The following IGFL2 variants were observed in gnomAD, a reference collection of about 807,000 sequenced individuals.
IGFL2 encodes the protein IGF like family member 2.
In IGFL2, 7 loss-of-function variants were observed where a neutral mutation model predicts 13.9. The ratio of observed to expected loss-of-function variants is 0.51; its 90% CI spans 0.29 to 0.95. The LOEUF (loss-of-function observed/expected upper bound fraction) is 0.95. Among genes scored for constraint, IGFL2 ranks in the 40% least tolerant of loss-of-function variants. The pLI is 0.08. For missense variants in IGFL2, 138 were observed against 147.8 expected (o/e 0.93, Z 0.34); for synonymous variants, 55 against 55.8 (o/e 0.99, Z 0.07).
chr19:46,102,714 CAG>C, the IGFL2 span, among the ~76,000 whole-genome samples: 7 of 152,184 alleles, frequency 4.6e-5, no homozygotes, highest in South Asian at 1.4e-3. Context: ...GTGCAGGTCA[CAG>C]GGGATATGAT....
At chr19:46,143,656 T>G (rs1187878213), upstream of IGFL2, among the ~76,000 whole-genome samples, 1 of 152,140 alleles carries the variant, frequency 6.6e-6, no homozygotes, top group African/African-American at 2.4e-5. Context: ...TGTTCAAGAG[T>G]CAACTGTATT....
the IGFL2 span, among the ~76,000 whole-genome samples, chr19:46,128,704 C>T: frequency 2.6e-5 from 4 of 152,160 alleles, no homozygotes; most frequent in East Asian, 3.9e-4. Flanking sequence ...CCTGCTTGAT[C>T]ATGGTGGATT....
At chr19:46,165,732 C>T (rs1249606513), downstream of IGFL2, among the ~76,000 whole-genome samples, 1 of 152,220 alleles carries the variant, frequency 6.6e-6, no homozygotes, top group Non-Finnish European at 1.5e-5. Context: ...CATGGTCATC[C>T]AGCCATCCAC....
the IGFL2 span, chr19:46,120,213 T>G: frequency 1.4e-6 from 2 of 1,474,420 alleles, no homozygotes; most frequent in Non-Finnish European, 9.2e-7. Context: ...GCTATGTCAT[T>G]GAGCCATCCC....
At chr19:46,079,282 G>A in the IGFL2 span, among the ~76,000 whole-genome samples, 1 of 152,242 alleles carries the variant, frequency 6.6e-6, no homozygotes, top group South Asian at 2.1e-4. Flanking sequence ...CTCGTTGGGT[G>A]GGACAAGAAT....
the IGFL2 span, among the ~76,000 whole-genome samples, chr19:46,190,784 T>C: frequency 6.6e-6 from 1 of 152,236 alleles, no homozygotes. Context: ...CAAAAATGCA[T>C]GTGGCTTTAG....
the IGFL2 span, among the ~76,000 whole-genome samples, chr19:46,121,791 A>G: frequency 6.6e-6 from 1 of 151,030 alleles, no homozygotes; most frequent in Non-Finnish European, 1.5e-5. Flanking sequence ...GCAAGTGCGG[A>G]GCTGACTGCA....
the IGFL2 span, chr19:46,136,967 A>G: frequency 3.5e-6 from 5 of 1,421,862 alleles, no homozygotes; most frequent in Non-Finnish European, 5.0e-6. Flanking sequence ...CCTGCTGTAT[A>G]TCTGTGTTTT....
intron 1 of IGFL2, chr19:46,148,855 T>C: frequency 6.6e-7 from 1 of 1,509,052 alleles, no homozygotes; most frequent in South Asian, 1.3e-5. Context: ...CAGTTGACAC[T>C]CAGGAGTGGA....
chr19:46,148,043 TC>T (rs1973233754), upstream of IGFL2: 1 of 481,988 alleles, frequency 2.1e-6, no homozygotes, highest in South Asian at 3.8e-5. Context: ...CTCTGAGATT[TC>T]GAGAGGTCTG....
upstream of IGFL2, chr19:46,143,277 G>A (rs1972940023): frequency 6.6e-6 from 1 of 151,906 alleles, no homozygotes; most frequent in South Asian, 2.1e-4. Flanking sequence ...TTACTTTATT[G>A]TAAGAATGTA....
the IGFL2 span, among the ~76,000 whole-genome samples, chr19:46,100,284 C>G: frequency 1.5e-4 from 23 of 152,110 alleles, no homozygotes; most frequent in African/African-American, 5.3e-4. Flanking sequence ...AGGCTGCTGA[C>G]TGTTAATCAA....
the IGFL2 span, chr19:46,197,083 G>A: frequency 9.1e-6 from 2 of 219,500 alleles, no homozygotes; most frequent in Non-Finnish European, 1.9e-5. Flanking sequence ...GTGGGGACAC[G>A]TTCTGTGACC....
At chr19:46,183,418 C>A in the IGFL2 span, among the ~76,000 whole-genome samples, 10 of 152,016 alleles carry the variant, frequency 6.6e-5, no homozygotes, top group Non-Finnish European at 1.5e-4. Context: ...TCATTTCTTC[C>A]CTCCCAGCCA....
At chr19:46,190,561 T>C in the IGFL2 span, 1 of 152,238 alleles carries the variant, frequency 6.6e-6, no homozygotes, top group Admixed American at 6.5e-5. Flanking sequence ...CAAATCTTAA[T>C]AGACGTAAAG....
chr19:46,207,416 C>T, the IGFL2 span: 3 of 151,838 alleles, frequency 2.0e-5, no homozygotes, highest in African/African-American at 7.3e-5. Flanking sequence ...GAGTCTCACT[C>T]TGTCACCCAG....
At chr19:46,125,928 A>C in the IGFL2 span, among the ~76,000 whole-genome samples, 1 of 152,210 alleles carries the variant, frequency 6.6e-6, no homozygotes, top group Non-Finnish European at 1.5e-5. Flanking sequence ...CAGCTTTACT[A>C]TTGGGCATTG....
chr19:46,204,513 AG>A, the IGFL2 span, among the ~76,000 whole-genome samples: 1 of 152,326 alleles, frequency 6.6e-6, no homozygotes, highest in Admixed American at 6.5e-5. Flanking sequence ...GGAAAGAGAC[AG>A]GGTTCCCAAT....
chr19:46,109,206 A>G, the IGFL2 span, among the ~76,000 whole-genome samples: 198 of 152,300 alleles, frequency 1.3e-3, no homozygotes, highest in Non-Finnish European at 2.5e-3. Context: ...TGGTGGGATT[A>G]TCATTAGTTC....
Sources: gnomAD v4.1 joint callset for allele counts (sites outside exome capture counted in the v4.1 genomes callset) on GRCh38, gnomAD v4.1.1 for gene constraint, MANE v1.5 for transcripts, NCBI Gene and HGNC (gene_info 2026-07-23, HGNC 2026-07-21) for gene names.